ATM: variants seen among roughly 807,000 people sequenced by gnomAD.
ATM encodes the protein serine-protein kinase ATM.
ATM carries 308 observed loss-of-function variants against 387.0 expected under a neutral mutation model. The ratio of observed to expected loss-of-function variants is 0.80; its 90% CI spans 0.73 to 0.87. The LOEUF is 0.87. ATM is among the 40% of genes least tolerant of loss of function. The pLI is 0.00. For synonymous variants in ATM, 1,156 were observed against 1,187.3 expected, an observed-to-expected ratio of 0.97 and a Z score of 0.54; for missense variants, 3,312 against 3,560.9, an observed-to-expected ratio of 0.93 and a Z score of 1.78.
intron 22 of ATM, among the ~76,000 whole-genome samples, chr11:108,274,648 GGTTGTTCA>G (rs2081831979): frequency 6.6e-6 from 1 of 152,312 alleles, no homozygotes; most frequent in South Asian, 2.1e-4. Flanking sequence ...TTCAGGAGCA[GGTTGTTCA>G]GTTTCCATGT....
chr11:108,233,451 C>T (rs1303303392), intron 4 of ATM, among the ~76,000 whole-genome samples: 1 of 151,736 alleles, frequency 6.6e-6, no homozygotes, highest in Non-Finnish European at 1.5e-5. Context: ...CACCTGTAGT[C>T]CCAGCTACTT....
chr11:108,237,898 G>A (rs1438968105), intron 5 of ATM, among the ~76,000 whole-genome samples: 2 of 105,352 alleles, frequency 1.9e-5, no homozygotes, highest in Non-Finnish European at 3.6e-5. Context: ...CATTTACTTA[G>A]GTTTTTTTTT....
rs876660913 is a variant in ATM, at chr11:108,271,359, C to T, written c.3030C>T (p.Asn1010=). The part of the protein sequence containing the change: ...NLGQSNMDSE[N]TRDAQGQFLT... The stretch of plus-strand genomic sequence containing the variant: ...GTCAAAGCAATATGGACTCTGAGAA[C>T]ACAAGGGATGCTCAAGGACAGTTTC... Residue 1010 remains asparagine, a synonymous_variant, in exon 20 of 63, where the codon AAC becomes AAT. Transcript: ENST00000675843. The T allele has an allele frequency of 3.1e-6, 5 of 1,613,680 alleles. No homozygotes were observed. In the Admixed American group the frequency reaches 6.7e-5, roughly 22 times the overall value.
At chr11:108,264,389 T>G (rs2081090559) in intron 16 of ATM, among the ~76,000 whole-genome samples, 1 of 152,332 alleles carries the variant, frequency 6.6e-6, no homozygotes, top group South Asian at 2.1e-4. Context: ...AACACATGAT[T>G]ATCTCAATAG....
At chr11:108,233,111 C>G (rs543912532) in intron 4 of ATM, among the ~76,000 whole-genome samples, 10 of 152,328 alleles carry the variant, frequency 6.6e-5, no homozygotes, top group African/African-American at 2.2e-4. Context: ...ATCCACCTGC[C>G]TTGTCATCCC....
At chr11:108,321,156 C>T in intron 44 of ATM, 145 bp from the exon 45 acceptor site, 1 of 1,070,854 alleles carries the variant, frequency 9.3e-7, no homozygotes, top group Non-Finnish European at 1.3e-6. Flanking sequence ...GTTTCCACTG[C>T]TATTTTGTAT....
chr11:108,265,574 C>T (rs2081181965), intron 16 of ATM, among the ~76,000 whole-genome samples: 1 of 150,308 alleles, frequency 6.7e-6, no homozygotes, highest in African/African-American at 2.4e-5. Context: ...TAGGCATGGG[C>T]AAGGACTTCA....
At chr11:108,258,776 T>C (rs575529443) in intron 15 of ATM, among the ~76,000 whole-genome samples, 3 of 152,336 alleles carry the variant, frequency 2.0e-5, no homozygotes, top group African/African-American at 7.2e-5. Flanking sequence ...GGTCAATAGC[T>C]GTTACTTTAA....
intron 39 of ATM, 77 bp from the exon 40 acceptor site, chr11:108,312,334 C>A: frequency 9.0e-7 from 1 of 1,113,832 alleles, no homozygotes; most frequent in Non-Finnish European, 1.4e-6. Context: ...TTTTTTCTGT[C>A]AAAGTCTATA....
At chr11:108,287,504 A>G (rs1025880743) in intron 26 of ATM, 96 bp from the exon 27 acceptor site, 279 of 743,290 alleles carry the variant, frequency 3.8e-4, no homozygotes, top group Admixed American at 4.8e-4. Context: ...ACAGTCATCG[A>G]ATACTTTTGG....
intron 61 of ATM, among the ~76,000 whole-genome samples, chr11:108,359,982 C>A (rs939388993): frequency 2.0e-5 from 3 of 151,514 alleles, no homozygotes; most frequent in Non-Finnish European, 3.0e-5. Flanking sequence ...CACAAAAAAC[C>A]CTTCAAAAAA....
At chr11:108,304,579 T>G in intron 36 of ATM, 96 bp from the exon 37 acceptor site, 2 of 1,214,136 alleles carry the variant, frequency 1.6e-6, no homozygotes, top group Non-Finnish European at 2.3e-6. Context: ...TTTTAGAAAT[T>G]TAATATGTCA....
At chr11:108,320,882 AT>A (rs4988093) in intron 44 of ATM, among the ~76,000 whole-genome samples, 1,952 of 152,366 alleles carry the variant, frequency 0.013, 53 homozygotes, top group African/African-American at 0.044. Flanking sequence ...CATATTTTGT[AT>A]AAGTATTATA....
chr11:108,267,336 A>G lies in ATM; in HGVS notation c.2632A>G (p.Thr878Ala). 1 of 1,613,898 alleles carries G rather than the reference A, an allele frequency of 6.2e-7. No individual in the cohort carries two copies. Among genetic ancestry groups the G allele is most frequent in the Non-Finnish European group, 8.5e-7 (1 of 1,179,790 alleles). The change falls in exon 17 of 63, where the codon ACC (threonine) becomes GCC (alanine). Residue 878 changes from threonine (T) to alanine (A), a missense_variant. Transcript: ENST00000675843. ...DANEPGESQS[T>A]IGAINPLAEE... ...AAACGAACCTGGAGAGAGCCAAAGT[A>G]CCATAGGTAAATACATATTTACTAC... is the stretch of plus-strand genomic sequence containing the variant.
Position 108,254,013 on chromosome 11 carries a change from C to T in ATM, c.2098C>T (p.Gln700Ter), listed in dbSNP as rs786202743. Residue 700 changes from glutamine (Q) to a stop codon, truncating the protein, a stop_gained, in exon 13 of 63, where the codon CAG becomes TAG. Coordinates refer to ENST00000675843, the MANE Select transcript of ATM (RefSeq NM_000051.4). LOFTEE classifies it high-confidence loss of function. Reference protein sequence around the residue: ...LDRCLLGLSEQLLNNYSSEIT... With the variant: ...LDRCLLGLSE ...TCGCTGTCTTCTGGGATTATCAGAA[C>T]AGCTTCTGAATAATTACTCATCTGA... 2 of 1,613,802 alleles carry T rather than the reference C, an allele frequency of 1.2e-6. No individual in the cohort carries two copies. The highest frequency in any genetic ancestry group is 1.7e-6 in the Non-Finnish European group (2 of 1,179,882).
At chr11:108,306,825 A>G (rs984452301) in intron 37 of ATM, among the ~76,000 whole-genome samples, 10 of 152,120 alleles carry the variant, frequency 6.6e-5, no homozygotes, top group South Asian at 2.1e-4. Flanking sequence ...CCCCCAGCCT[A>G]CTTTTTTAAA....
Position 108,294,983 on chromosome 11 carries a change from T to C in ATM, c.4833T>C (p.Leu1611=), listed in dbSNP as rs769025179. The C allele has an allele frequency of 6.2e-7, 1 of 1,613,904 alleles. No homozygotes were observed. The highest frequency in any genetic ancestry group is 1.1e-5 in the South Asian group (1 of 91,084). The change falls in exon 32 of 63, where the codon CTT becomes CTC. Residue 1611 remains leucine, a synonymous_variant. Transcript: ENST00000675843. ...SVYDALPLTR[L]EGLKDLRRQL... is the part of the protein sequence containing the mutation. ...ATGATGCACTTCCATTGACAAGACT[T>C]GAAGGACTAAAGGATCTTCGAAGAC...
chr11:108,364,901 A>C lies in ATM; in HGVS notation c.8851-181A>C, dbSNP rs150178811. Among the ~76,000 whole-genome samples the C allele has an allele frequency of 5.9e-5, 9 of 152,332 alleles. No individual in the cohort carries two copies. The East Asian group carries it at 1.7e-3, about 29-fold the overall frequency. ...AGAATGAATTCAGAATGAAATGAGA[A>C]GCTTGGAGCATTATGCTAGGATAGT... On this transcript the variant is annotated intron_variant, in intron 61 of 62. Transcript: ENST00000675843.
intron 16 of ATM, among the ~76,000 whole-genome samples, chr11:108,264,174 A>G (rs2081076740): frequency 6.6e-6 from 1 of 152,016 alleles, no homozygotes; most frequent in African/African-American, 2.4e-5. Context: ...CAGAGACACA[A>G]CCAAAAAAGA....
Sources: allele counts gnomAD v4.1 joint callset (sites outside exome capture counted in the v4.1 genomes callset), GRCh38; gene constraint gnomAD v4.1.1; transcripts MANE v1.5; gene names NCBI Gene and HGNC (gene_info 2026-07-23, HGNC 2026-07-21).